The following KCNQ3 variants were observed in gnomAD, a reference collection of about 807,000 sequenced individuals.
KCNQ3 encodes the protein potassium voltage-gated channel subfamily Q member 3.
A neutral mutation model predicts 92.5 loss-of-function variants in KCNQ3; 30 were observed. That is an observed-to-expected ratio of 0.32 (90% CI 0.24 to 0.44). The LOEUF is 0.44. Among genes scored for constraint, KCNQ3 ranks in the 20% least tolerant of loss-of-function variants. The pLI, the probability that KCNQ3 is intolerant of heterozygous loss-of-function variation, is 1.00. For synonymous variants in KCNQ3, 450 were observed against 468.8 expected (o/e 0.96, Z 0.52); for missense variants, 913 against 1,140.3 (o/e 0.80, Z 2.87).
At chr8:132,345,939 T>C (rs1563871041) in intron 1 of KCNQ3, among the ~76,000 whole-genome samples, 1 of 151,770 alleles carries the variant, frequency 6.6e-6, no homozygotes, top group Non-Finnish European at 1.5e-5. Flanking sequence ...ATGATGATGA[T>C]GATGATGGTG....
At chr8:132,130,712 C>T (rs762963673) in intron 14 of KCNQ3, among the ~76,000 whole-genome samples, 4 of 152,196 alleles carry the variant, frequency 2.6e-5, no homozygotes, top group Non-Finnish European at 4.4e-5. Context: ...GTTTCTTCTA[C>T]ATGGTGATTT....
intron 8 of KCNQ3, among the ~76,000 whole-genome samples, chr8:132,164,696 A>C (rs1826091637): frequency 6.6e-6 from 1 of 152,168 alleles, no homozygotes; most frequent in Non-Finnish European, 1.5e-5. Context: ...AAAGGTAGTA[A>C]GGGGAAGGAA....
intron 1 of KCNQ3, among the ~76,000 whole-genome samples, chr8:132,308,030 G>T (rs533902258): frequency 1.2e-4 from 18 of 152,186 alleles, no homozygotes; most frequent in Non-Finnish European, 2.4e-4. Context: ...AAGCACTAAA[G>T]CTTCCTGGGG....
chr8:132,226,936 T>C (rs10109693), intron 1 of KCNQ3, among the ~76,000 whole-genome samples: 1,811 of 152,302 alleles, frequency 0.012, 18 homozygotes, highest in South Asian at 0.048. Context: ...AAAAATATCA[T>C]TGACTTCATT....
At chr8:132,323,300 G>T (rs546595359) in intron 1 of KCNQ3, among the ~76,000 whole-genome samples, 1 of 152,198 alleles carries the variant, frequency 6.6e-6, no homozygotes, top group African/African-American at 2.4e-5. Flanking sequence ...CAAGGGGCTT[G>T]CAGGCCAGAT....
At chr8:132,205,891 A>G (rs1813642258) in intron 1 of KCNQ3, among the ~76,000 whole-genome samples, 1 of 152,166 alleles carries the variant, frequency 6.6e-6, no homozygotes, top group Admixed American at 6.5e-5. Flanking sequence ...TAGATGTGCA[A>G]GGCAGAGCAT....
chr8:132,133,499 G>A (rs1346205754), intron 13 of KCNQ3, among the ~76,000 whole-genome samples: 3 of 151,876 alleles, frequency 2.0e-5, no homozygotes, highest in Non-Finnish European at 1.5e-5. Flanking sequence ...GGGACTACAG[G>A]CAGGCGCCAC....
intron 1 of KCNQ3, among the ~76,000 whole-genome samples, chr8:132,315,990 C>T (rs1327841102): frequency 2.6e-5 from 4 of 152,150 alleles, no homozygotes; most frequent in Non-Finnish European, 4.4e-5. Flanking sequence ...TTTGAGAAGT[C>T]TGTAATTTTG....
At chr8:132,183,024 C>A (rs923386375) in intron 3 of KCNQ3, among the ~76,000 whole-genome samples, 1 of 152,106 alleles carries the variant, frequency 6.6e-6, no homozygotes, top group East Asian at 1.9e-4. Flanking sequence ...GTGGGCAAGA[C>A]AATGCAACTC....
chr8:132,456,869 T>G (rs1821954639), intron 1 of KCNQ3, among the ~76,000 whole-genome samples: 1 of 152,164 alleles, frequency 6.6e-6, no homozygotes, highest in Non-Finnish European at 1.5e-5. Flanking sequence ...CGCCTCAGCC[T>G]CCCAAAGTGC....
intron 1 of KCNQ3, among the ~76,000 whole-genome samples, chr8:132,378,560 C>T (rs901167989): frequency 2.0e-5 from 3 of 152,190 alleles, no homozygotes; most frequent in Admixed American, 6.5e-5. Context: ...ATATTATATA[C>T]TAAGACAGAT....
In KCNQ3 at chr8:132,121,183, C is replaced by A. The variant is rs1276367502; in HGVS notation, c.*8079G>T. ...TGCCATAAAAAGGGGTTAAAAAATA[C>A]AATCCAAAATCAAATATAATGGATT... On this transcript the variant is annotated 3_prime_UTR_variant, in exon 15 of 15. Transcript: ENST00000388996. 2 of 152,116 alleles carry A rather than the reference C, an allele frequency of 1.3e-5. No homozygotes were observed. Among genetic ancestry groups the A allele is most frequent in the Admixed American group, 1.3e-4 (2 of 15,274 alleles). The allele number at this position is 152,116 out of a possible 1,614,324, so 9.4% of individuals were successfully genotyped here.
In KCNQ3 at chr8:132,260,085, TAC is replaced by T. The variant is rs564490332; in HGVS notation, c.387-73906_387-73905del. ...GATGAAACTACTTCCCAAATTTATC[TAC>T]AGAGTCAACATAATCAAATTCCTAG... On this transcript the variant is annotated intron_variant, in intron 1 of 14. Transcript: ENST00000388996. Among the ~76,000 whole-genome samples, 62 of 152,300 alleles carry T rather than the reference TAC, an allele frequency of 4.1e-4. No individual in the cohort carries two copies. The South Asian group carries it at 0.012, about 31-fold the overall frequency.
intron 1 of KCNQ3, among the ~76,000 whole-genome samples, chr8:132,216,408 GA>G (rs1814031153): frequency 6.6e-6 from 1 of 152,180 alleles, no homozygotes; most frequent in Non-Finnish European, 1.5e-5. Flanking sequence ...TCTGGGATAG[GA>G]AGGAGTCACC....
chr8:132,212,394 C>A lies in KCNQ3; in HGVS notation c.387-26213G>T, dbSNP rs117789690. 9.7e-3 allele frequency among the ~76,000 whole-genome samples: 1,469 copies of A among 152,084 alleles called. 14 individuals are homozygous for A. The highest frequency in any genetic ancestry group is 0.018 in the Admixed American group (269 of 15,266). ...TCTCCTCTGGAAACATATGGAATAC[C>A]ACCTTTCTTCCATGAAAAGCTCTTC... On this transcript the variant is annotated intron_variant, in intron 1 of 14. Coordinates refer to ENST00000388996, the MANE Select transcript of KCNQ3 (RefSeq NM_004519.4).
Position 132,480,665 on chromosome 8 carries a change from T to TGGGCCCC in KCNQ3, c.-134_-133insGGGGCCC. 1.3e-6 allele frequency: 1 copy of TGGGCCCC among 743,542 alleles called. No homozygotes were observed. The highest frequency in any genetic ancestry group is 2.5e-5 in the African/African-American group (1 of 39,876). 46.1% of individuals were successfully genotyped at this position (743,542 alleles called of 1,614,324 possible). ...TCCAATGCCATGATCCGCGCGCCCC[T>TGGGCCCC]CCCCACCCCCCCCCAAAAGCAGGCA... On this transcript the variant is annotated 5_prime_UTR_variant, in exon 1 of 15. Coordinates refer to ENST00000388996, the MANE Select transcript of KCNQ3 (RefSeq NM_004519.4).
intron 9 of KCNQ3, among the ~76,000 whole-genome samples, chr8:132,143,457 G>A (rs1825359827): frequency 6.6e-6 from 1 of 152,150 alleles, no homozygotes; most frequent in South Asian, 2.1e-4. Flanking sequence ...TTTGAACACA[G>A]CACATTTCCC....
chr8:132,223,988 T>TCACTGCAA (rs1166328283), intron 1 of KCNQ3, among the ~76,000 whole-genome samples: 3 of 150,542 alleles, frequency 2.0e-5, no homozygotes, highest in Non-Finnish European at 4.4e-5. Flanking sequence ...TGATCATAGC[T>TCACTGCAA]CACTGCAACC....
intron 1 of KCNQ3, among the ~76,000 whole-genome samples, chr8:132,465,673 G>A (rs1822155483): frequency 6.6e-6 from 1 of 152,196 alleles, no homozygotes; most frequent in Non-Finnish European, 1.5e-5. Context: ...GAACCCAGGA[G>A]GTGGAGCTTG....
Sources: allele counts gnomAD v4.1 joint callset (sites outside exome capture counted in the v4.1 genomes callset), GRCh38; gene constraint gnomAD v4.1.1; transcripts MANE v1.5; gene names NCBI Gene and HGNC (gene_info 2026-07-23, HGNC 2026-07-21).